GLIS3: variants seen among roughly 807,000 people sequenced by gnomAD.
GLIS3 encodes the protein zinc finger protein GLIS3.
A neutral mutation model predicts 78.6 loss-of-function variants in GLIS3; 53 were observed. The ratio of observed to expected loss-of-function variants is 0.67; its 90% CI spans 0.54 to 0.85. The LOEUF (loss-of-function observed/expected upper bound fraction) is 0.85. Ranked by LOEUF, GLIS3 falls within the 40% of genes least tolerant of loss-of-function variation. The pLI, the probability that GLIS3 is intolerant of heterozygous loss-of-function variation, is 0.00. For synonymous variants in GLIS3, 684 were observed against 509.9 expected (o/e 1.34, Z -4.60); for missense variants, 1,703 against 1,231.1 (o/e 1.38, Z -5.74).
chr9:3,869,920 G>T (rs572428403), intron 8 of GLIS3, among the ~76,000 whole-genome samples: 16 of 152,314 alleles, frequency 1.1e-4, no homozygotes, highest in African/African-American at 3.8e-4. Flanking sequence ...AGAGGCAGAG[G>T]AGAGGCTTCC....
At chr9:4,357,410 TG>T in the GLIS3 span, among the ~76,000 whole-genome samples, 2 of 152,204 alleles carry the variant, frequency 1.3e-5, no homozygotes, top group Non-Finnish European at 2.9e-5. Flanking sequence ...AGTCTTCTCT[TG>T]CCTTCAGTTT....
intron 2 of GLIS3, among the ~76,000 whole-genome samples, chr9:4,178,293 A>G (rs746315489): frequency 6.6e-6 from 1 of 151,998 alleles, no homozygotes; most frequent in African/African-American, 2.4e-5. Flanking sequence ...TAAGATACCT[A>G]CTTACTCTTC....
chr9:4,126,054 T>C (rs1393588292), intron 2 of GLIS3, 113 bp from the exon 3 acceptor site: 5 of 314,660 alleles, frequency 1.6e-5, no homozygotes, highest in Admixed American at 4.8e-5. Context: ...CCTCAGATCA[T>C]TTTTTTTTTT....
chr9:3,845,361 G>T (rs779952032), intron 9 of GLIS3, among the ~76,000 whole-genome samples: 2 of 152,002 alleles, frequency 1.3e-5, no homozygotes, highest in Non-Finnish European at 2.9e-5. Flanking sequence ...AGGGCATATG[G>T]GCATATACAT....
chr9:4,421,409 C>G, the GLIS3 span, among the ~76,000 whole-genome samples: 2 of 152,236 alleles, frequency 1.3e-5, no homozygotes, highest in Non-Finnish European at 2.9e-5. Context: ...AAACCAAAGA[C>G]AGCCCAAAGA....
At chr9:4,349,199 C>G (rs778986603), upstream of GLIS3, among the ~76,000 whole-genome samples, 15 of 152,220 alleles carry the variant, frequency 9.9e-5, no homozygotes, top group Non-Finnish European at 2.1e-4. Context: ...ATAGCAATCT[C>G]TCCTTTCCAC....
At chr9:3,946,773 A>G (rs1444183595) in intron 4 of GLIS3, among the ~76,000 whole-genome samples, 4 of 152,248 alleles carry the variant, frequency 2.6e-5, no homozygotes, top group Admixed American at 6.5e-5. Context: ...TTCAAGGCAC[A>G]TAAATGTGTG....
intron 2 of GLIS3, among the ~76,000 whole-genome samples, chr9:4,313,016 C>T (rs1188306543): frequency 6.6e-6 from 1 of 152,226 alleles, no homozygotes; most frequent in Admixed American, 6.5e-5. Flanking sequence ...CTACTTTTTC[C>T]AGTCTTGTGG....
At chr9:4,298,340 C>T (rs1816781032) in intron 1 of GLIS3, 1 of 455,456 alleles carries the variant, frequency 2.2e-6, no homozygotes, top group Admixed American at 2.4e-5. Flanking sequence ...AGGGCGCGAA[C>T]GCGGAGCCAG....
intron 1 of GLIS3, chr9:4,348,224 T>C (rs1359632294): frequency 6.6e-6 from 1 of 152,218 alleles, no homozygotes; most frequent in East Asian, 1.9e-4. Context: ...AATATATTTC[T>C]TTCTTACCTG....
At chr9:4,221,963 T>A (rs1821365912) in intron 2 of GLIS3, among the ~76,000 whole-genome samples, 2 of 152,232 alleles carry the variant, frequency 1.3e-5, no homozygotes. Flanking sequence ...CTGCAAAGCA[T>A]GCTGGGACCC....
chr9:4,405,097 G>C, the GLIS3 span, among the ~76,000 whole-genome samples: 1 of 152,136 alleles, frequency 6.6e-6, no homozygotes, highest in Admixed American at 6.5e-5. Context: ...GCTCATGCCT[G>C]TAATCCCAGC....
Position 4,163,140 on chromosome 9 carries a change from G to A in GLIS3, c.389-37199C>T, listed in dbSNP as rs1408197479. Among the ~76,000 whole-genome samples, 7 of 152,314 alleles carry A rather than the reference G, an allele frequency of 4.6e-5. No homozygotes were observed. In the East Asian group the frequency reaches 5.8e-4, roughly 13 times the overall value. On this transcript the variant is annotated intron_variant, in intron 2 of 10. Coordinates refer to ENST00000381971, the MANE Select transcript of GLIS3 (RefSeq NM_001042413.2). ...CAAGTTCAAAGAGATAAAGCAATCA[G>A]CTCTAAAGTCATACAGGAGAGTTAG...
intron 2 of GLIS3, among the ~76,000 whole-genome samples, chr9:4,329,088 C>G (rs904541887): frequency 3.3e-5 from 5 of 152,160 alleles, no homozygotes; most frequent in East Asian, 1.9e-4. Context: ...AGAGAAATAG[C>G]CTAGACCTTT....
In GLIS3 at chr9:4,169,081, T is replaced by C. The variant is rs187526878; in HGVS notation, c.389-43140A>G. ...ATGAGGAAGATGGGAGAGGTGATTG[T>C]CCTGTCTCTACATTTTAGGAGTCTC... On this transcript the variant is annotated intron_variant, in intron 2 of 10. Transcript: ENST00000381971. Among the ~76,000 whole-genome samples the C allele has an allele frequency of 2.0e-5, 3 of 152,348 alleles. No individual in the cohort carries two copies. The East Asian group carries it at 5.8e-4, about 29-fold the overall frequency.
chr9:3,988,384 G>A (rs575294139), intron 4 of GLIS3, among the ~76,000 whole-genome samples: 76 of 152,160 alleles, frequency 5.0e-4, no homozygotes, highest in African/African-American at 1.8e-3. Context: ...GTTGATGACT[G>A]AAATAAAAGT....
At chr9:4,045,880 C>T (rs988360515) in intron 4 of GLIS3, among the ~76,000 whole-genome samples, 3 of 152,084 alleles carry the variant, frequency 2.0e-5, no homozygotes, top group African/African-American at 7.2e-5. Context: ...TGGCAAATGT[C>T]ATTCATACTT....
chr9:4,408,004 T>TA, the GLIS3 span, among the ~76,000 whole-genome samples: 264 of 152,114 alleles, frequency 1.7e-3, 2 homozygotes, highest in Middle Eastern at 0.014. Context: ...CCAATGTATA[T>TA]AAAAAACTGC....
chr9:4,020,267 G>A (rs1336997266), intron 4 of GLIS3, among the ~76,000 whole-genome samples: 4 of 152,034 alleles, frequency 2.6e-5, no homozygotes, highest in Non-Finnish European at 5.9e-5. Context: ...AAAAGGGGAG[G>A]GTAACTTAAG....
Sources: gnomAD v4.1 joint callset for allele counts (sites outside exome capture counted in the v4.1 genomes callset) on GRCh38, gnomAD v4.1.1 for gene constraint, MANE v1.5 for transcripts, NCBI Gene and HGNC (gene_info 2026-07-23, HGNC 2026-07-21) for gene names.